The following FTCDNL1 variants were observed in gnomAD, a reference collection of about 807,000 sequenced individuals.
The protein encoded by FTCDNL1 is formiminotransferase cyclodeaminase N-terminal like.
FTCDNL1 carries 11 observed loss-of-function variants against 5.9 expected under a neutral mutation model. The ratio of observed to expected loss-of-function variants is 1.87; its 90% CI spans 1.18 to 3.10. The LOEUF (loss-of-function observed/expected upper bound fraction) is 3.10. FTCDNL1 is among the 30% of genes most tolerant of loss of function. The pLI, the probability that FTCDNL1 is intolerant of heterozygous loss-of-function variation, is 0.00. For missense variants in FTCDNL1, 115 were observed against 65.5 expected (o/e 1.76, Z -2.61); for synonymous variants, 58 against 24.8 (o/e 2.34, Z -3.99).
At chr2:199,788,344 T>C (rs147012126) in intron 3 of FTCDNL1, among the ~76,000 whole-genome samples, 109 of 152,326 alleles carry the variant, frequency 7.2e-4, no homozygotes, top group Middle Eastern at 6.8e-3. Flanking sequence ...GGGAATATTT[T>C]TTTAGTAGAT....
At chr2:199,698,305 A>G in the FTCDNL1 span, among the ~76,000 whole-genome samples, 3 of 152,148 alleles carry the variant, frequency 2.0e-5, no homozygotes, top group African/African-American at 7.2e-5. Context: ...TCTACAGAAC[A>G]CTTCACCCAA....
the FTCDNL1 span, among the ~76,000 whole-genome samples, chr2:199,712,254 G>A: frequency 8.5e-5 from 13 of 152,086 alleles, no homozygotes; most frequent in African/African-American, 3.1e-4. Context: ...ATTTTAATAG[G>A]GCAAGACAGA....
downstream of FTCDNL1, among the ~76,000 whole-genome samples, chr2:199,759,355 C>T (rs1698182809): frequency 6.7e-6 from 1 of 149,766 alleles, no homozygotes; most frequent in Non-Finnish European, 1.5e-5. Flanking sequence ...ATTTGTCTTC[C>T]TTTTTTTTTA....
chr2:199,711,208 TAC>T, the FTCDNL1 span, among the ~76,000 whole-genome samples: 1 of 150,816 alleles, frequency 6.6e-6, no homozygotes. Context: ...ACAGGAAGAG[TAC>T]AGTCAGGTGG....
chr2:199,728,251 C>CTT, the FTCDNL1 span, among the ~76,000 whole-genome samples: 1 of 145,654 alleles, frequency 6.9e-6, no homozygotes, highest in Non-Finnish European at 1.5e-5. Context: ...TCCATGGTAA[C>CTT]TTTTTTTTTT....
At chr2:199,720,838 T>G in the FTCDNL1 span, among the ~76,000 whole-genome samples, 2 of 152,144 alleles carry the variant, frequency 1.3e-5, no homozygotes, top group East Asian at 3.9e-4. Context: ...TTCAATCCAC[T>G]ACATTATGTA....
At chr2:199,761,255 G>A (rs1210695581) in intron 3 of FTCDNL1, among the ~76,000 whole-genome samples, 1 of 152,178 alleles carries the variant, frequency 6.6e-6, no homozygotes, top group African/African-American at 2.4e-5. Flanking sequence ...ATCAGGTCCT[G>A]CACAACCCAC....
At chr2:199,848,813 T>C (rs2076797622) in intron 2 of FTCDNL1, 35 bp downstream of exon 2, 3 of 699,516 alleles carry the variant, frequency 4.3e-6, no homozygotes, top group Admixed American at 4.1e-5. Context: ...ATCAAAACAC[T>C]ATAATATTCA....
the FTCDNL1 span, among the ~76,000 whole-genome samples, chr2:199,731,594 T>C: frequency 6.6e-6 from 1 of 152,144 alleles, no homozygotes; most frequent in Non-Finnish European, 1.5e-5. Flanking sequence ...AATTAAGAGC[T>C]AATAAATTAT....
At chr2:199,806,324 C>T (rs1321574291), downstream of FTCDNL1, among the ~76,000 whole-genome samples, 5 of 152,188 alleles carry the variant, frequency 3.3e-5, no homozygotes, top group Admixed American at 2.0e-4. Context: ...CAAACAAGTT[C>T]CTGGGCTGTT....
chr2:199,666,879 C>G, the FTCDNL1 span, among the ~76,000 whole-genome samples: 2 of 151,082 alleles, frequency 1.3e-5, no homozygotes, highest in Non-Finnish European at 2.9e-5. Context: ...CCACTGCACT[C>G]CAGGCTGGGC....
the FTCDNL1 span, among the ~76,000 whole-genome samples, chr2:199,734,692 T>C: frequency 6.6e-6 from 1 of 152,068 alleles, no homozygotes; most frequent in African/African-American, 2.4e-5. Flanking sequence ...GAATGACTGG[T>C]TCCTGAGAAT....
chr2:199,711,809 C>G, the FTCDNL1 span, among the ~76,000 whole-genome samples: 3 of 152,190 alleles, frequency 2.0e-5, no homozygotes, highest in African/African-American at 7.2e-5. Context: ...CTTCCAATTC[C>G]TGGGTTTCCA....
At chr2:199,738,528 C>CT in the FTCDNL1 span, among the ~76,000 whole-genome samples, 35 of 151,580 alleles carry the variant, frequency 2.3e-4, 1 homozygote, top group South Asian at 4.0e-3. Context: ...TAGGGCATTG[C>CT]TTTTTTTTTC....
intron 3 of FTCDNL1, among the ~76,000 whole-genome samples, chr2:199,782,369 G>A (rs1699410148): frequency 6.6e-6 from 1 of 152,178 alleles, no homozygotes; most frequent in Admixed American, 6.5e-5. Context: ...TTTGACAAAC[G>A]TATGAATGAA....
chr2:199,705,574 T>C, the FTCDNL1 span, among the ~76,000 whole-genome samples: 1 of 152,222 alleles, frequency 6.6e-6, no homozygotes, highest in Non-Finnish European at 1.5e-5. Context: ...ACCTAATCCA[T>C]ATGCTTTTTA....
intron 2 of FTCDNL1, among the ~76,000 whole-genome samples, chr2:199,847,944 G>T (rs1160805977): frequency 6.6e-6 from 1 of 152,178 alleles, no homozygotes; most frequent in African/African-American, 2.4e-5. Context: ...ACTTAAATGT[G>T]CTCACAGTTA....
the FTCDNL1 span, among the ~76,000 whole-genome samples, chr2:199,685,007 C>G: frequency 6.6e-6 from 1 of 151,906 alleles, no homozygotes; most frequent in Non-Finnish European, 1.5e-5. Context: ...TTATGATGAT[C>G]ATTTCGTTAA....
At chr2:199,709,386 C>G in the FTCDNL1 span, among the ~76,000 whole-genome samples, 6 of 152,130 alleles carry the variant, frequency 3.9e-5, no homozygotes, top group African/African-American at 1.4e-4. Context: ...AACAGCCCCC[C>G]TCATTTTCCA....
Sources: gnomAD v4.1 joint callset for allele counts (sites outside exome capture counted in the v4.1 genomes callset) on GRCh38, gnomAD v4.1.1 for gene constraint, MANE v1.5 for transcripts, NCBI Gene and HGNC (gene_info 2026-07-23, HGNC 2026-07-21) for gene names.